Variants in PTPRD observed in about 807,000 individuals in gnomAD.
The protein encoded by PTPRD is receptor-type tyrosine-protein phosphatase delta.
A neutral mutation model predicts 214.5 loss-of-function variants in PTPRD; 34 were observed. The observed-to-expected ratio is 0.16, with a 90% CI of 0.12 to 0.21. The LOEUF (loss-of-function observed/expected upper bound fraction) is 0.21, where lower values mean the gene tolerates loss of function less well. PTPRD is among the 10% of genes least tolerant of loss of function. The pLI is 1.00. For synonymous variants in PTPRD, 1,128 were observed against 845.7 expected (o/e 1.33, Z -5.79); for missense variants, 2,545 against 2,398.7 (o/e 1.06, Z -1.27).
chr9:8,557,455 T>TATATATATATATATATATATATATACAC, intron 14 of PTPRD, among the ~76,000 whole-genome samples: 4 of 135,624 alleles, frequency 2.9e-5, no homozygotes, highest in African/African-American at 1.4e-4. Flanking sequence ...TATATATATA[T>TATATATATATATATATATATATATACAC]ATTTGGGCCG....
intron 41 of PTPRD, among the ~76,000 whole-genome samples, chr9:8,340,711 T>G (rs1032821972): frequency 6.6e-6 from 1 of 152,112 alleles, no homozygotes; most frequent in Non-Finnish European, 1.5e-5. Context: ...ATTTGAATTT[T>G]AGCGCAATGC....
intron 3 of PTPRD, among the ~76,000 whole-genome samples, chr9:10,295,264 A>G (rs910161643): frequency 6.6e-6 from 1 of 152,104 alleles, no homozygotes; most frequent in Non-Finnish European, 1.5e-5. Flanking sequence ...AACACCAATT[A>G]AAGACATAAA....
At chr9:10,363,804 C>T (rs1208301310) in intron 2 of PTPRD, among the ~76,000 whole-genome samples, 3 of 151,940 alleles carry the variant, frequency 2.0e-5, no homozygotes, top group African/African-American at 7.3e-5. Flanking sequence ...TGATTCCATT[C>T]ATTTCACACA....
chr9:10,090,189 T>C (rs2098412012), intron 3 of PTPRD, among the ~76,000 whole-genome samples: 1 of 151,630 alleles, frequency 6.6e-6, no homozygotes, highest in Non-Finnish European at 1.5e-5. Context: ...TTACTTTCCA[T>C]ATTTAAAACA....
At chr9:10,106,904 T>G (rs749469168) in intron 3 of PTPRD, among the ~76,000 whole-genome samples, 1 of 151,818 alleles carries the variant, frequency 6.6e-6, no homozygotes, top group African/African-American at 2.4e-5. Context: ...AAGTTTGGAA[T>G]TGATGCCATA....
chr9:10,209,625 A>G (rs377367275), intron 3 of PTPRD, among the ~76,000 whole-genome samples: 32 of 151,558 alleles, frequency 2.1e-4, no homozygotes, highest in African/African-American at 7.0e-4. Context: ...TTTATTTTTT[A>G]TACTATATGA....
chr9:9,145,955 T>A (rs1035144159), intron 10 of PTPRD, among the ~76,000 whole-genome samples: 1 of 152,208 alleles, frequency 6.6e-6, no homozygotes, highest in Non-Finnish European at 1.5e-5. Context: ...TAACTGAAGA[T>A]GTCCTTCATG....
chr9:9,918,921 A>G (rs1048084323), intron 5 of PTPRD, among the ~76,000 whole-genome samples: 5 of 152,080 alleles, frequency 3.3e-5, no homozygotes, highest in African/African-American at 7.2e-5. Flanking sequence ...ACCTAAATAT[A>G]CAGTACAGTC....
intron 9 of PTPRD, among the ~76,000 whole-genome samples, chr9:9,216,080 T>G (rs1466320463): frequency 2.0e-5 from 3 of 152,176 alleles, no homozygotes; most frequent in Non-Finnish European, 4.4e-5. Flanking sequence ...ATTCCATTCC[T>G]TACTAGCTAT....
chr9:10,590,605 C>G (rs1264039118), intron 2 of PTPRD, among the ~76,000 whole-genome samples: 3 of 151,918 alleles, frequency 2.0e-5, no homozygotes, highest in African/African-American at 7.2e-5. Context: ...TTTGTAAACA[C>G]TATCTTAGAT....
At chr9:9,660,886 A>G (rs1483139282) in intron 7 of PTPRD, among the ~76,000 whole-genome samples, 2 of 151,980 alleles carry the variant, frequency 1.3e-5, no homozygotes, top group African/African-American at 4.8e-5. Flanking sequence ...CTACGCTGCC[A>G]CCAATGCCAG....
chr9:9,763,403 GT>G (rs530957556), intron 6 of PTPRD, among the ~76,000 whole-genome samples: 38 of 152,066 alleles, frequency 2.5e-4, no homozygotes, highest in African/African-American at 9.2e-4. Context: ...TAATATATAT[GT>G]ATTAAAGGGG....
intron 8 of PTPRD, among the ~76,000 whole-genome samples, chr9:9,570,538 T>C (rs2086042121): frequency 6.6e-6 from 1 of 151,596 alleles, no homozygotes; most frequent in African/African-American, 2.4e-5. Context: ...CTATAACTTA[T>C]GCTCTATTTC....
chr9:8,851,339 C>T (rs1353444444), intron 11 of PTPRD, among the ~76,000 whole-genome samples: 1 of 152,192 alleles, frequency 6.6e-6, no homozygotes, highest in Non-Finnish European at 1.5e-5. Flanking sequence ...GAGAGAAACG[C>T]TCTCTTTGTG....
rs182679100 is a variant in PTPRD, at chr9:9,075,095, C to T, written c.-142-56360G>A. On this transcript the variant is annotated intron_variant, in intron 10 of 45. Coordinates refer to ENST00000381196, the MANE Select transcript of PTPRD (RefSeq NM_002839.4). ...AATGGTCAAATGCTTATTGTACTTT[C>T]CTATGAAATTATTATAATTATTTTG... is the stretch of plus-strand genomic sequence containing the variant. 5.5e-3 allele frequency among the ~76,000 whole-genome samples: 839 copies of T among 151,992 alleles called. 7 individuals are homozygous for T. The highest frequency in any genetic ancestry group is 0.019 in the African/African-American group (800 of 41,494).
intron 11 of PTPRD, among the ~76,000 whole-genome samples, chr9:8,981,436 CAA>C (rs1349823846): frequency 6.6e-6 from 1 of 151,908 alleles, no homozygotes; most frequent in East Asian, 1.9e-4. Flanking sequence ...TTAGTAAAGT[CAA>C]GTGTTTACAC....
At chr9:9,229,258 A>T in intron 9 of PTPRD, among the ~76,000 whole-genome samples, 1 of 152,168 alleles carries the variant, frequency 6.6e-6, no homozygotes, top group East Asian at 1.9e-4. Context: ...AAAGCAGAGT[A>T]ATAGTCCTGT....
intron 5 of PTPRD, among the ~76,000 whole-genome samples, chr9:9,912,183 A>T (rs1383921785): frequency 6.6e-6 from 1 of 152,144 alleles, no homozygotes; most frequent in East Asian, 1.9e-4. Context: ...AAATAAATAC[A>T]CTTTTTTAAT....
chr9:10,074,381 A>C (rs554624871), intron 3 of PTPRD, among the ~76,000 whole-genome samples: 1 of 152,268 alleles, frequency 6.6e-6, no homozygotes, highest in Admixed American at 6.5e-5. Flanking sequence ...CAGAAATAAA[A>C]GAATATGGCT....
Sources: gnomAD v4.1 joint callset for allele counts (sites outside exome capture counted in the v4.1 genomes callset) on GRCh38, gnomAD v4.1.1 for gene constraint, MANE v1.5 for transcripts, NCBI Gene and HGNC (gene_info 2026-07-23, HGNC 2026-07-21) for gene names.